CNTN5: variants seen among roughly 807,000 people sequenced by gnomAD.
CNTN5 encodes the protein contactin 5.
In CNTN5, 77 loss-of-function variants were observed where a neutral mutation model predicts 129.1. That is an observed-to-expected ratio of 0.60 (90% CI 0.50 to 0.72). CNTN5 has a LOEUF of 0.72. Ranked by LOEUF, CNTN5 falls within the 30% of genes least tolerant of loss-of-function variation. The pLI is 0.00. For synonymous variants in CNTN5, 509 were observed against 465.6 expected (o/e 1.09, Z -1.20); for missense variants, 1,478 against 1,328.8 (o/e 1.11, Z -1.75).
At chr11:99,135,962 G>T (rs2135448010) in intron 1 of CNTN5, among the ~76,000 whole-genome samples, 1 of 152,182 alleles carries the variant, frequency 6.6e-6, no homozygotes, top group African/African-American at 2.4e-5. Context: ...ATAAATATTT[G>T]TTTAATGCAT....
At chr11:99,441,302 T>C (rs1166687841) in intron 2 of CNTN5, among the ~76,000 whole-genome samples, 1 of 152,212 alleles carries the variant, frequency 6.6e-6, no homozygotes, top group East Asian at 1.9e-4. Flanking sequence ...CAATTACATA[T>C]GGGATTCCCT....
chr11:99,905,126 A>C (rs766968145), intron 6 of CNTN5, among the ~76,000 whole-genome samples: 2 of 152,182 alleles, frequency 1.3e-5, no homozygotes, highest in Non-Finnish European at 2.9e-5. Flanking sequence ...TTTGCTGTGC[A>C]GAAGCTCTTT....
intron 3 of CNTN5, among the ~76,000 whole-genome samples, chr11:99,776,589 C>T (rs1275215554): frequency 6.6e-6 from 1 of 151,672 alleles, no homozygotes; most frequent in Admixed American, 6.6e-5. Flanking sequence ...CTTTCTCCGT[C>T]TCTGTGGCCC....
At chr11:99,928,580 T>A (rs990309516) in intron 7 of CNTN5, among the ~76,000 whole-genome samples, 1 of 152,158 alleles carries the variant, frequency 6.6e-6, no homozygotes, top group Non-Finnish European at 1.5e-5. Flanking sequence ...AGCCATGGCT[T>A]GAACTTTACC....
chr11:99,656,525 G>A (rs149277794), intron 3 of CNTN5, among the ~76,000 whole-genome samples: 2 of 151,736 alleles, frequency 1.3e-5, no homozygotes, highest in Non-Finnish European at 2.9e-5. Flanking sequence ...CTGGAAAATG[G>A]AAGAAAGATA....
intron 9 of CNTN5, among the ~76,000 whole-genome samples, chr11:100,060,624 C>T (rs1402246460): frequency 6.9e-6 from 1 of 144,574 alleles, no homozygotes; most frequent in Non-Finnish European, 1.5e-5. Context: ...TTTACAAAAA[C>T]ATAACAATTT....
At chr11:100,061,540 T>C (rs536781432) in intron 10 of CNTN5, 147 bp downstream of exon 10, 7 of 587,796 alleles carry the variant, frequency 1.2e-5, no homozygotes, top group South Asian at 2.6e-5. Context: ...TAAGGCATCA[T>C]GTCAAATTAC....
chr11:99,712,250 T>C (rs184650216), intron 3 of CNTN5, among the ~76,000 whole-genome samples: 1 of 152,286 alleles, frequency 6.6e-6, no homozygotes, highest in East Asian at 1.9e-4. Context: ...CATTCTTTCA[T>C]ATGTTTTTTT....
intron 2 of CNTN5, among the ~76,000 whole-genome samples, chr11:99,474,102 C>G (rs913667903): frequency 6.6e-6 from 1 of 151,954 alleles, no homozygotes; most frequent in Non-Finnish European, 1.5e-5. Context: ...ACATTGTGAA[C>G]TGAAAAATAT....
At chr11:99,383,589 G>T (rs187984456) in intron 2 of CNTN5, among the ~76,000 whole-genome samples, 246 of 143,726 alleles carry the variant, frequency 1.7e-3, no homozygotes, top group African/African-American at 5.9e-3. Flanking sequence ...TTTAGGTTGA[G>T]AAGCTGCTTT....
intron 18 of CNTN5, among the ~76,000 whole-genome samples, chr11:100,278,579 T>A (rs1248442177): frequency 6.6e-6 from 1 of 152,032 alleles, no homozygotes; most frequent in Non-Finnish European, 1.5e-5. Context: ...GTAAATAAGA[T>A]AAGTTTCTTG....
chr11:99,981,339 G>A (rs181333034), intron 8 of CNTN5, among the ~76,000 whole-genome samples: 31 of 152,092 alleles, frequency 2.0e-4, no homozygotes, highest in Admixed American at 3.9e-4. Context: ...CATGGAGTCC[G>A]AAGGCCAGGA....
chr11:99,115,405 A>G (rs1049032457), intron 1 of CNTN5, among the ~76,000 whole-genome samples: 1 of 152,296 alleles, frequency 6.6e-6, no homozygotes. Flanking sequence ...TTTAAAATTT[A>G]GAGGTAAAAT....
At chr11:99,207,405 G>C (rs1036649864) in intron 1 of CNTN5, among the ~76,000 whole-genome samples, 1 of 152,082 alleles carries the variant, frequency 6.6e-6, no homozygotes, top group Non-Finnish European at 1.5e-5. Context: ...GTATCATATT[G>C]CTGAAGCACA....
At chr11:99,059,579 C>G (rs138443886) in intron 1 of CNTN5, among the ~76,000 whole-genome samples, 94 of 134,628 alleles carry the variant, frequency 7.0e-4, no homozygotes, top group African/African-American at 2.6e-3. Flanking sequence ...CAGAATTATC[C>G]TGTGGAATTC....
At chr11:99,725,470 AGTTTTGAT>A (rs1943306199) in intron 3 of CNTN5, among the ~76,000 whole-genome samples, 1 of 151,736 alleles carries the variant, frequency 6.6e-6, no homozygotes, top group Non-Finnish European at 1.5e-5. Flanking sequence ...TTGTAGGCAA[AGTTTTGAT>A]CCAATACAGA....
chr11:99,978,042 T>C (rs2137340976), intron 8 of CNTN5, among the ~76,000 whole-genome samples: 1 of 152,368 alleles, frequency 6.6e-6, no homozygotes, highest in South Asian at 2.1e-4. Context: ...CTCATGACAT[T>C]ATAATGGAAC....
At position 99,217,759 on chromosome 11, in the gene CNTN5, A is replaced by C. The variant is rs553678002; in HGVS notation, c.-209-107587A>C. On this transcript the variant is annotated intron_variant, in intron 1 of 24. Transcript: ENST00000524871. Reference sequence around the variant, plus strand: ...AAATCTACCAACCCACTCATCTAGTAGGTTTTCTCTCTTTTAAAAATGGGC... The same window carrying C: ...AAATCTACCAACCCACTCATCTAGTCGGTTTTCTCTCTTTTAAAAATGGGC... Among the ~76,000 whole-genome samples the C allele has an allele frequency of 2.0e-5, 3 of 152,188 alleles. No homozygotes were observed. In the East Asian group the frequency reaches 5.8e-4, roughly 29 times the overall value.
chr11:99,992,365 G>A (rs737584), intron 8 of CNTN5, among the ~76,000 whole-genome samples: 44,696 of 152,054 alleles, frequency 0.29, 6,964 homozygotes, highest in African/African-American at 0.38. Context: ...AATATAATTT[G>A]CCTTAATGTT....
Sources: gnomAD v4.1 joint callset for allele counts (sites outside exome capture counted in the v4.1 genomes callset) on GRCh38, gnomAD v4.1.1 for gene constraint, MANE v1.5 for transcripts, NCBI Gene and HGNC (gene_info 2026-07-23, HGNC 2026-07-21) for gene names.